Variants in DYSF observed in about 807,000 individuals in gnomAD.
DYSF encodes dysferlin.
DYSF carries 212 observed loss-of-function variants against 274.9 expected under a neutral mutation model. The ratio of observed to expected loss-of-function variants is 0.77; its 90% CI spans 0.69 to 0.86. DYSF has a LOEUF of 0.86. Among genes scored for constraint, DYSF ranks in the 40% least tolerant of loss-of-function variants. DYSF has a pLI of 0.00. For missense variants in DYSF, 2,666 were observed against 2,783.2 expected (o/e 0.96, Z 0.95); for synonymous variants, 1,091 against 1,078.7 (o/e 1.01, Z -0.22).
At chr2:71,667,289 C>T in intron 47 of DYSF, 87 bp from the exon 48 acceptor site, 1 of 1,599,610 alleles carries the variant, frequency 6.3e-7, no homozygotes, top group Non-Finnish European at 8.6e-7. Flanking sequence ...GACTCTTAGG[C>T]AGCCCTGCTC....
intron 29 of DYSF, among the ~76,000 whole-genome samples, chr2:71,572,100 A>C (rs1298452706): frequency 1.6e-5 from 2 of 122,726 alleles, no homozygotes; most frequent in Non-Finnish European, 3.3e-5. Flanking sequence ...GATCATACCC[A>C]GCACACCCAC....
At chr2:71,480,023 TG>T (rs2082755308) in intron 1 of DYSF, among the ~76,000 whole-genome samples, 1 of 152,208 alleles carries the variant, frequency 6.6e-6, no homozygotes, top group African/African-American at 2.4e-5. Flanking sequence ...AGAACATTTT[TG>T]TCACCTCAAG....
At chr2:71,560,954 G>T (rs1445994120) in intron 22 of DYSF, among the ~76,000 whole-genome samples, 3 of 152,174 alleles carry the variant, frequency 2.0e-5, no homozygotes, top group Middle Eastern at 3.2e-3. Flanking sequence ...CTGCCCCGCC[G>T]CATTTCTGCA....
intron 30 of DYSF, among the ~76,000 whole-genome samples, chr2:71,574,805 T>G (rs528295115): frequency 1.8e-3 from 275 of 152,296 alleles, no homozygotes; most frequent in African/African-American, 6.4e-3. Flanking sequence ...CCAGCAATTT[T>G]GGGGAAGAGG....
intron 19 of DYSF, among the ~76,000 whole-genome samples, chr2:71,552,584 G>A (rs1467014974): frequency 6.6e-6 from 1 of 152,196 alleles, no homozygotes; most frequent in South Asian, 2.1e-4. Context: ...AGAGCTGGCT[G>A]CTGAGGGAGA....
At chr2:71,679,509 TA>T (rs1446364988) in intron 53 of DYSF, among the ~76,000 whole-genome samples, 2 of 152,136 alleles carry the variant, frequency 1.3e-5, no homozygotes, top group Non-Finnish European at 2.9e-5. Flanking sequence ...TTGGCTTTAA[TA>T]GTGACCTGTG....
chr2:71,623,590 CT>C (rs1380752623), intron 41 of DYSF, among the ~76,000 whole-genome samples: 7 of 152,104 alleles, frequency 4.6e-5, no homozygotes, highest in African/African-American at 1.7e-4. Flanking sequence ...TCATGTCATC[CT>C]TTTGGTATAA....
chr2:71,654,238 T>C (rs2434043), intron 42 of DYSF, among the ~76,000 whole-genome samples: 47 of 152,152 alleles, frequency 3.1e-4, no homozygotes, highest in African/African-American at 1.0e-3. Flanking sequence ...AAGCTAAAAA[T>C]GGGTGAAAGT....
Position 71,611,581 on chromosome 2 carries a change from C to T in DYSF, c.4176C>T (p.Leu1392=), listed in dbSNP as rs2152875405. 3.7e-6 allele frequency: 6 copies of T among 1,614,096 alleles called. No homozygotes were observed. The highest frequency in any genetic ancestry group is 5.1e-6 in the Non-Finnish European group (6 of 1,180,010). ...TGCAGTCCTGTGTCATCAGGAACCT[C>T]CGGAAGAACCCCAACTTTGACATCT... is the stretch of plus-strand genomic sequence containing the variant. ...QTVQSCVIRN[L]RKNPNFDICT... is the part of the protein sequence containing the mutation. The change falls in exon 38 of 56, where the codon CTC becomes CTT. Residue 1392 remains leucine, a synonymous_variant. Coordinates refer to ENST00000410020, the MANE Select transcript of DYSF (RefSeq NM_001130987.2).
chr2:71,624,277 T>C (rs2094165038), intron 41 of DYSF, among the ~76,000 whole-genome samples: 1 of 152,216 alleles, frequency 6.6e-6, no homozygotes, highest in Admixed American at 6.5e-5. Context: ...CTCAGGCAGA[T>C]TGTTGGCAGA....
rs535532605 is a variant in DYSF, at chr2:71,662,603, CTG to C, written c.5004-1657_5004-1656del. On this transcript the variant is annotated intron_variant, in intron 45 of 55. Coordinates refer to ENST00000410020, the MANE Select transcript of DYSF (RefSeq NM_001130987.2). ...TATACATGTGTGTAGGTGTATGCGT[CTG>C]TGTGTGTCTGTGTGTCTGTGTGGCA... Among the ~76,000 whole-genome samples, 465 of 139,560 alleles carry C rather than the reference CTG, an allele frequency of 3.3e-3. 1 individual carries two copies. Among genetic ancestry groups the C allele is most frequent in the Middle Eastern group, 0.03 (8 of 268 alleles). The allele number at this position is 139,560 out of a possible 152,430, so 91.6% of individuals were successfully genotyped here.
intron 29 of DYSF, among the ~76,000 whole-genome samples, chr2:71,571,637 C>T (rs1174367972): frequency 2.3e-5 from 3 of 132,282 alleles, no homozygotes; most frequent in Non-Finnish European, 4.7e-5. Flanking sequence ...ACACCCAGCA[C>T]ATGCAGAGAT....
intron 42 of DYSF, among the ~76,000 whole-genome samples, chr2:71,655,824 A>G (rs2094757517): frequency 6.6e-6 from 1 of 152,204 alleles, no homozygotes; most frequent in Admixed American, 6.5e-5. Context: ...GGTACTTACA[A>G]TATTTTATTG....
intron 41 of DYSF, among the ~76,000 whole-genome samples, chr2:71,622,130 G>GTTTTTTTTTT (rs74263952): frequency 0.022 from 2,102 of 96,592 alleles, 130 homozygotes; most frequent in African/African-American, 0.059. Context: ...TGATTTCTTT[G>GTTTTTTTTTT]TTTTTTTTTT....
intron 36 of DYSF, 35 bp downstream of exon 36, chr2:71,602,840 G>A (rs776427425): frequency 3.9e-5 from 63 of 1,610,300 alleles, no homozygotes; most frequent in Non-Finnish European, 5.2e-5. Context: ...TGGGTGGGCC[G>A]AGGTAGAGGG....
intron 30 of DYSF, among the ~76,000 whole-genome samples, chr2:71,587,014 C>T (rs2093090901): frequency 6.6e-6 from 1 of 152,230 alleles, no homozygotes; most frequent in Non-Finnish European, 1.5e-5. Context: ...AGGCATCACG[C>T]ACTGTTGCAC....
chr2:71,465,795 C>A (rs13431707), upstream of DYSF, among the ~76,000 whole-genome samples: 1 of 151,986 alleles, frequency 6.6e-6, no homozygotes, highest in South Asian at 2.1e-4. Context: ...AAGTGCGAAG[C>A]CAGGGCCCCT....
chr2:71,659,778 G>T (rs1461248188), intron 44 of DYSF, among the ~76,000 whole-genome samples: 1 of 152,214 alleles, frequency 6.6e-6, no homozygotes, highest in East Asian at 1.9e-4. Context: ...AGGTGACAGA[G>T]GTGGGAGGCA....
chr2:71,662,621 CTG>C (rs1230928517), intron 45 of DYSF, among the ~76,000 whole-genome samples: 3 of 119,236 alleles, frequency 2.5e-5, no homozygotes, highest in African/African-American at 3.5e-5. Context: ...GTCTGTGTGT[CTG>C]TGTGGCATGT....
Sources: gnomAD v4.1 joint callset for allele counts (sites outside exome capture counted in the v4.1 genomes callset) on GRCh38, gnomAD v4.1.1 for gene constraint, MANE v1.5 for transcripts, NCBI Gene and HGNC (gene_info 2026-07-23, HGNC 2026-07-21) for gene names.